Variants in MYO16 observed in about 807,000 individuals in gnomAD.
MYO16 encodes unconventional myosin-XVI.
Under a neutral mutation model 205.3 loss-of-function variants are expected in MYO16, and 94 were observed. The observed-to-expected ratio is 0.46, with a 90% CI of 0.39 to 0.54. MYO16 has a LOEUF of 0.54. Among genes scored for constraint, MYO16 ranks in the 20% least tolerant of loss-of-function variants. The pLI, the probability that MYO16 is intolerant of heterozygous loss-of-function variation, is 0.00. For missense variants in MYO16, 2,315 were observed against 2,387.5 expected (o/e 0.97, Z 0.63); for synonymous variants, 988 against 954.0 (o/e 1.04, Z -0.66).
intron 24 of MYO16, 56 bp downstream of exon 24, chr13:109,047,047 T>G: frequency 7.9e-7 from 1 of 1,261,456 alleles, no homozygotes; most frequent in African/African-American, 1.5e-5. Flanking sequence ...CATCCGTTAT[T>G]TCTTTATCTC....
chr13:108,993,852 C>A (rs902645938), intron 21 of MYO16, among the ~76,000 whole-genome samples: 8 of 152,050 alleles, frequency 5.3e-5, no homozygotes, highest in African/African-American at 1.9e-4. Context: ...GTAGAGATTC[C>A]TTATGTTATT....
intron 2 of MYO16, among the ~76,000 whole-genome samples, chr13:108,697,281 T>G (rs1429609964): frequency 6.6e-6 from 1 of 152,220 alleles, no homozygotes; most frequent in Non-Finnish European, 1.5e-5. Flanking sequence ...TCTCTCTTGC[T>G]GCTAGATGCC....
intron 20 of MYO16, among the ~76,000 whole-genome samples, chr13:108,978,078 A>G (rs565655105): frequency 1.3e-5 from 2 of 151,966 alleles, no homozygotes; most frequent in Non-Finnish European, 2.9e-5. Context: ...TTGTGTGGCT[A>G]TAATGAGTTC....
At chr13:108,694,393 T>C (rs935511031) in intron 2 of MYO16, among the ~76,000 whole-genome samples, 6 of 152,190 alleles carry the variant, frequency 3.9e-5, no homozygotes, top group Non-Finnish European at 8.8e-5. Context: ...TTTTACATTC[T>C]CTCCTGCAAT....
chr13:109,023,004 T>G (rs1886145413), intron 23 of MYO16, among the ~76,000 whole-genome samples: 3 of 135,128 alleles, frequency 2.2e-5, no homozygotes, highest in Admixed American at 8.1e-5. Flanking sequence ...ATATTATATA[T>G]ACACATGTAA....
intron 34 of MYO16, among the ~76,000 whole-genome samples, chr13:109,191,252 T>C (rs1879902921): frequency 6.6e-6 from 1 of 151,980 alleles, no homozygotes; most frequent in Non-Finnish European, 1.5e-5. Flanking sequence ...CAAAGGCTCA[T>C]TCATTGATCA....
intron 28 of MYO16, among the ~76,000 whole-genome samples, chr13:109,117,426 G>A (rs175850): frequency 7.0e-6 from 1 of 142,600 alleles, no homozygotes; most frequent in Non-Finnish European, 1.5e-5. Context: ...ATATGTATAT[G>A]TGTATATATA....
intron 1 of MYO16, among the ~76,000 whole-genome samples, chr13:108,598,481 A>G (rs978632257): frequency 1.3e-5 from 2 of 152,208 alleles, no homozygotes; most frequent in Non-Finnish European, 2.9e-5. Flanking sequence ...TTGTCTTTCC[A>G]TGGTAGAACA....
intron 22 of MYO16, 61 bp from the exon 23 acceptor site, chr13:109,019,650 T>G (rs1885952394): frequency 7.5e-7 from 1 of 1,333,542 alleles, no homozygotes; most frequent in Admixed American, 2.0e-5. Flanking sequence ...GCTTGAATAA[T>G]AACAAAAATA....
intron 4 of MYO16, among the ~76,000 whole-genome samples, chr13:108,758,696 G>T (rs1885501225): frequency 6.6e-6 from 1 of 152,146 alleles, no homozygotes. Context: ...TCATCCTGGG[G>T]AGCTGAGTGG....
chr13:109,196,188 A>G (rs1880143606), intron 34 of MYO16, among the ~76,000 whole-genome samples: 1 of 152,332 alleles, frequency 6.6e-6, no homozygotes, highest in South Asian at 2.1e-4. Context: ...GATTCTTTAC[A>G]GTAAAGTACA....
chr13:108,976,334 T>G (rs1440019228), intron 20 of MYO16, among the ~76,000 whole-genome samples: 2 of 152,166 alleles, frequency 1.3e-5, no homozygotes, highest in Non-Finnish European at 2.9e-5. Flanking sequence ...GGACAGGAGA[T>G]ATAATCTATT....
intron 27 of MYO16, among the ~76,000 whole-genome samples, chr13:109,058,707 G>A (rs572785670): frequency 1.3e-5 from 2 of 152,224 alleles, no homozygotes; most frequent in South Asian, 2.1e-4. Context: ...GAAGGCTAGG[G>A]TGGCTGTAGT....
intron 16 of MYO16, among the ~76,000 whole-genome samples, chr13:108,938,799 A>G (rs1882599180): frequency 6.6e-6 from 1 of 152,196 alleles, no homozygotes; most frequent in African/African-American, 2.4e-5. Context: ...AACCAGGTGA[A>G]TGAGTGTTCC....
chr13:108,686,499 C>T (rs533004198), intron 2 of MYO16, among the ~76,000 whole-genome samples: 5 of 152,222 alleles, frequency 3.3e-5, no homozygotes, highest in Non-Finnish European at 7.3e-5. Context: ...GCGAAGGAAG[C>T]TGTGATGACA....
chr13:109,014,381 C>T (rs186234201), intron 22 of MYO16, among the ~76,000 whole-genome samples: 1 of 152,136 alleles, frequency 6.6e-6, no homozygotes, highest in African/African-American at 2.4e-5. Context: ...TTGTAGTATA[C>T]TTTGAAGTCA....
chr13:108,945,573 A>G (rs972609062), intron 16 of MYO16, among the ~76,000 whole-genome samples: 1 of 152,124 alleles, frequency 6.6e-6, no homozygotes, highest in Non-Finnish European at 1.5e-5. Flanking sequence ...ATCTTGACTT[A>G]TTAGGATTAA....
At chr13:108,536,195 A>G in the MYO16 span, among the ~76,000 whole-genome samples, 3 of 152,160 alleles carry the variant, frequency 2.0e-5, no homozygotes, top group Non-Finnish European at 2.9e-5. Context: ...CTCAGCCTTA[A>G]CTGAGTCACT....
chr13:108,538,592 G>A, the MYO16 span, among the ~76,000 whole-genome samples: 6 of 152,018 alleles, frequency 3.9e-5, no homozygotes, highest in Admixed American at 1.3e-4. Context: ...AAGAGGTAGA[G>A]GAACCTATGG....
Sources: allele counts gnomAD v4.1 joint callset (sites outside exome capture counted in the v4.1 genomes callset), GRCh38; gene constraint gnomAD v4.1.1; transcripts MANE v1.5; gene names NCBI Gene and HGNC (gene_info 2026-07-23, HGNC 2026-07-21).